The following PPM1H variants were observed in gnomAD, a reference collection of about 807,000 sequenced individuals.
PPM1H encodes protein phosphatase, Mg2+/Mn2+ dependent 1H.
In PPM1H, 27 loss-of-function variants were observed where a neutral mutation model predicts 54.9. That is an observed-to-expected ratio of 0.49 (90% CI 0.36 to 0.68). The LOEUF (loss-of-function observed/expected upper bound fraction) is 0.68, where lower values mean the gene tolerates loss of function less well. PPM1H is among the 30% of genes least tolerant of loss of function. The pLI is 0.00. For missense variants in PPM1H, 596 were observed against 667.8 expected, an observed-to-expected ratio of 0.89 and a Z score of 1.19; for synonymous variants, 305 against 270.8, an observed-to-expected ratio of 1.13 and a Z score of -1.24.
At chr12:62,671,183 C>A (rs140326745) in intron 8 of PPM1H, among the ~76,000 whole-genome samples, 4 of 152,240 alleles carry the variant, frequency 2.6e-5, no homozygotes, top group Non-Finnish European at 2.9e-5. Context: ...GGAAGCCTCA[C>A]ATCAAACTAA....
At chr12:62,796,162 C>T (rs1180988925) in intron 3 of PPM1H, among the ~76,000 whole-genome samples, 1 of 152,236 alleles carries the variant, frequency 6.6e-6, no homozygotes, top group Non-Finnish European at 1.5e-5. Context: ...CCTCTGTTCT[C>T]ATCCCACAAC....
Position 62,644,130 on chromosome 12 carries a change from T to G in PPM1H, c.*4359A>C, listed in dbSNP as rs960979444. ...ATCCCCTTTACTAAACAGTTTTCAT[T>G]TTGGGGTTACAAAAAAGTCAATGTT... On this transcript the variant is annotated 3_prime_UTR_variant, in exon 10 of 10. Transcript: ENST00000228705. 6.6e-6 allele frequency: 1 copy of G among 152,152 alleles called. No homozygotes were observed. The allele number at this position is 152,152 out of a possible 1,614,324, so 9.4% of individuals were successfully genotyped here.
intron 1 of PPM1H, among the ~76,000 whole-genome samples, chr12:62,895,780 C>T (rs1024406858): frequency 1.3e-5 from 2 of 152,164 alleles, no homozygotes; most frequent in African/African-American, 2.4e-5. Context: ...TATGCAGGCT[C>T]CCCTTTGCCT....
intron 6 of PPM1H, among the ~76,000 whole-genome samples, chr12:62,701,366 G>A (rs572537952): frequency 2.6e-5 from 4 of 152,254 alleles, no homozygotes; most frequent in South Asian, 2.1e-4. Context: ...CAGCCACACC[G>A]AAGCCCTTTT....
chr12:62,674,365 TAAAG>T (rs1396587098), intron 8 of PPM1H, among the ~76,000 whole-genome samples: 4 of 152,060 alleles, frequency 2.6e-5, no homozygotes, highest in Non-Finnish European at 5.9e-5. Context: ...TGGTGGGAAA[TAAAG>T]AGATGAAATC....
chr12:62,812,819 G>C (rs1409531548), intron 2 of PPM1H, among the ~76,000 whole-genome samples: 1 of 149,122 alleles, frequency 6.7e-6, no homozygotes, highest in Non-Finnish European at 1.5e-5. Context: ...AAGACTCCTT[G>C]GGCCTTTCAA....
intron 1 of PPM1H, among the ~76,000 whole-genome samples, chr12:62,851,520 T>C (rs767052339): frequency 6.6e-6 from 1 of 151,996 alleles, no homozygotes; most frequent in Non-Finnish European, 1.5e-5. Context: ...CTGGCCAACA[T>C]GGTGAAATCC....
At chr12:62,684,875 T>C (rs1342778328) in intron 8 of PPM1H, among the ~76,000 whole-genome samples, 1 of 152,132 alleles carries the variant, frequency 6.6e-6, no homozygotes, top group Non-Finnish European at 1.5e-5. Context: ...GGAATGCTTT[T>C]GTCACTACCA....
At chr12:62,727,637 A>ATATTATTAT (rs146320023) in intron 5 of PPM1H, among the ~76,000 whole-genome samples, 39,490 of 139,568 alleles carry the variant, frequency 0.28, 6,530 homozygotes, top group Non-Finnish European at 0.35. Context: ...TAAAATGCAA[A>ATATTATTAT]TATTATTATT....
chr12:62,806,155 C>T (rs17098344), intron 2 of PPM1H, among the ~76,000 whole-genome samples: 2,754 of 151,088 alleles, frequency 0.018, 93 homozygotes, highest in African/African-American at 0.063. Context: ...CTTATCTACC[C>T]TATGGCAATA....
chr12:62,785,820 A>G (rs1053383620), intron 4 of PPM1H, among the ~76,000 whole-genome samples: 2 of 151,414 alleles, frequency 1.3e-5, no homozygotes, highest in Non-Finnish European at 2.9e-5. Flanking sequence ...GGCTCTTTTA[A>G]GGAGCCTGGA....
chr12:62,894,422 G>A (rs973215939), intron 1 of PPM1H, among the ~76,000 whole-genome samples: 1 of 152,180 alleles, frequency 6.6e-6, no homozygotes, highest in Non-Finnish European at 1.5e-5. Context: ...AACTCTCCTA[G>A]TATGTATATT....
At chr12:62,819,903 G>A (rs1309508459) in intron 2 of PPM1H, among the ~76,000 whole-genome samples, 2 of 152,194 alleles carry the variant, frequency 1.3e-5, no homozygotes, top group East Asian at 1.9e-4. Flanking sequence ...GAGGTACCTG[G>A]TTCATCTCAT....
At chr12:62,724,502 C>G (rs530626465) in intron 5 of PPM1H, among the ~76,000 whole-genome samples, 1 of 152,298 alleles carries the variant, frequency 6.6e-6, no homozygotes, top group African/African-American at 2.4e-5. Context: ...GGGAACTCCT[C>G]AACAGCTTTG....
chr12:62,900,787 T>A (rs1871146028), intron 1 of PPM1H, among the ~76,000 whole-genome samples: 1 of 152,138 alleles, frequency 6.6e-6, no homozygotes, highest in Non-Finnish European at 1.5e-5. Context: ...ACAGGGGACA[T>A]AGTACAGATA....
intron 1 of PPM1H, among the ~76,000 whole-genome samples, chr12:62,889,907 A>C (rs1039300432): frequency 6.6e-6 from 1 of 152,224 alleles, no homozygotes. Flanking sequence ...ACGATCTCTG[A>C]AAGAAATAAT....
chr12:62,808,092 A>G (rs1438280236), intron 2 of PPM1H, among the ~76,000 whole-genome samples: 1 of 152,160 alleles, frequency 6.6e-6, no homozygotes, highest in Non-Finnish European at 1.5e-5. Flanking sequence ...TTAGCCTCCA[A>G]AAGTGCTGGG....
chr12:62,847,198 A>C (rs1218245316), intron 1 of PPM1H, among the ~76,000 whole-genome samples: 2 of 152,230 alleles, frequency 1.3e-5, no homozygotes, highest in Non-Finnish European at 2.9e-5. Context: ...AGAAGAGTAC[A>C]TATTTGTGAG....
chr12:62,927,839 AAC>A (rs777660630), intron 1 of PPM1H, among the ~76,000 whole-genome samples: 12 of 152,170 alleles, frequency 7.9e-5, no homozygotes, highest in Non-Finnish European at 1.6e-4. Context: ...CTAAAATACT[AAC>A]AGTGGCTAAT....
Sources: allele counts gnomAD v4.1 joint callset (sites outside exome capture counted in the v4.1 genomes callset), GRCh38; gene constraint gnomAD v4.1.1; transcripts MANE v1.5; gene names NCBI Gene and HGNC (gene_info 2026-07-23, HGNC 2026-07-21).